The following EDIL3 variants were observed in gnomAD, a reference collection of about 807,000 sequenced individuals.
EDIL3 encodes the protein EGF-like repeat and discoidin I-like domain-containing protein 3.
A neutral mutation model predicts 67.4 loss-of-function variants in EDIL3; 37 were observed. That is an observed-to-expected ratio of 0.55 (90% CI 0.42 to 0.72). The LOEUF (loss-of-function observed/expected upper bound fraction) is 0.72, where lower values mean the gene tolerates loss of function less well. EDIL3 is among the 30% of genes least tolerant of loss of function. The pLI is 0.00. For synonymous variants in EDIL3, 195 were observed against 196.3 expected, an observed-to-expected ratio of 0.99 and a Z score of 0.05; for missense variants, 527 against 586.3, an observed-to-expected ratio of 0.90 and a Z score of 1.04.
chr5:84,151,648 T>C (rs542129975), intron 4 of EDIL3, among the ~76,000 whole-genome samples: 1 of 152,316 alleles, frequency 6.6e-6, no homozygotes, highest in African/African-American at 2.4e-5. Context: ...TGCAAGATTT[T>C]CTATTGCTCT....
chr5:84,031,450 T>C (rs1440073479), intron 9 of EDIL3, among the ~76,000 whole-genome samples: 1 of 152,214 alleles, frequency 6.6e-6, no homozygotes, highest in African/African-American at 2.4e-5. Context: ...TGGCTGTGAC[T>C]TAGTTGGTAA....
intron 1 of EDIL3, among the ~76,000 whole-genome samples, chr5:84,330,031 T>C (rs969549005): frequency 6.6e-6 from 1 of 152,284 alleles, no homozygotes; most frequent in South Asian, 2.1e-4. Context: ...TCTAGATATC[T>C]AAATATCTGA....
intron 4 of EDIL3, among the ~76,000 whole-genome samples, chr5:84,149,344 C>T (rs1748346940): frequency 6.6e-6 from 1 of 152,070 alleles, no homozygotes; most frequent in Non-Finnish European, 1.5e-5. Flanking sequence ...TACTTGGAGC[C>T]CACACTAGGC....
chr5:84,248,066 T>C (rs1478483504), intron 2 of EDIL3, among the ~76,000 whole-genome samples: 2 of 151,992 alleles, frequency 1.3e-5, no homozygotes, highest in Non-Finnish European at 2.9e-5. Context: ...CCAGGAAGAG[T>C]GGCACATAGC....
At chr5:84,188,969 T>C (rs957551300) in intron 3 of EDIL3, among the ~76,000 whole-genome samples, 1 of 152,078 alleles carries the variant, frequency 6.6e-6, no homozygotes, top group Non-Finnish European at 1.5e-5. Context: ...GGGTTCCTGG[T>C]ATACCTGAAT....
intron 1 of EDIL3, among the ~76,000 whole-genome samples, chr5:84,312,148 G>A (rs1380380261): frequency 9.2e-5 from 14 of 151,716 alleles, no homozygotes; most frequent in East Asian, 7.9e-4. Flanking sequence ...GGGCAGAGGC[G>A]CCCCTCACCT....
chr5:84,328,286 G>A (rs1023548249), intron 1 of EDIL3, among the ~76,000 whole-genome samples: 1 of 151,964 alleles, frequency 6.6e-6, no homozygotes, highest in African/African-American at 2.4e-5. Context: ...ATCAATCTAT[G>A]TGCATCACAT....
intron 1 of EDIL3, among the ~76,000 whole-genome samples, chr5:84,355,144 T>A (rs1422514547): frequency 6.6e-6 from 1 of 152,158 alleles, no homozygotes; most frequent in Non-Finnish European, 1.5e-5. Flanking sequence ...TTTGGTCTTT[T>A]CACACAGTCC....
At chr5:84,182,456 A>G (rs1214745021) in intron 3 of EDIL3, among the ~76,000 whole-genome samples, 1 of 151,988 alleles carries the variant, frequency 6.6e-6, no homozygotes, top group African/African-American at 2.4e-5. Context: ...ACCCTGTCTC[A>G]AAAAACTAAA....
At chr5:84,184,026 A>C (rs1749059346) in intron 3 of EDIL3, among the ~76,000 whole-genome samples, 1 of 152,196 alleles carries the variant, frequency 6.6e-6, no homozygotes, top group African/African-American at 2.4e-5. Context: ...GAATTGCTTT[A>C]ACCCGGGAGA....
chr5:84,196,356 A>G (rs538775911), intron 3 of EDIL3, among the ~76,000 whole-genome samples: 1 of 152,072 alleles, frequency 6.6e-6, no homozygotes, highest in South Asian at 2.1e-4. Context: ...GCTCAAAATC[A>G]CTTTCACAAC....
chr5:84,319,774 G>A lies in EDIL3; in HGVS notation c.67+64534C>T, dbSNP rs181195338. On this transcript the variant is annotated intron_variant, in intron 1 of 10. Transcript: ENST00000296591. ...CTCAAATGTCCATCAATGATAGACT[G>A]GATAAAGAAAATGAGGTACATATAT... Among the ~76,000 whole-genome samples the A allele has an allele frequency of 3.3e-5, 5 of 152,182 alleles. No individual in the cohort carries two copies. The East Asian group carries it at 7.7e-4, about 24-fold the overall frequency.
chr5:84,287,093 G>A (rs943733239), intron 1 of EDIL3, among the ~76,000 whole-genome samples: 6 of 152,194 alleles, frequency 3.9e-5, no homozygotes, highest in African/African-American at 7.2e-5. Flanking sequence ...AATGGGAGAT[G>A]CAGAGACTCT....
intron 9 of EDIL3, among the ~76,000 whole-genome samples, chr5:84,036,775 G>A (rs369847688): frequency 6.6e-6 from 1 of 152,068 alleles, no homozygotes; most frequent in East Asian, 1.9e-4. Context: ...CACTGTATTC[G>A]TATTAAACTG....
chr5:84,042,309 G>A (rs934254876), intron 9 of EDIL3, among the ~76,000 whole-genome samples: 2 of 150,536 alleles, frequency 1.3e-5, no homozygotes, highest in Non-Finnish European at 3.0e-5. Context: ...TTGAGACGGA[G>A]TCTTATTTGT....
intron 6 of EDIL3, among the ~76,000 whole-genome samples, chr5:84,085,804 C>T (rs1372231937): frequency 6.6e-6 from 1 of 152,160 alleles, no homozygotes; most frequent in Non-Finnish European, 1.5e-5. Context: ...GCTGCCCCTC[C>T]CTCCATGTGC....
intron 3 of EDIL3, among the ~76,000 whole-genome samples, chr5:84,223,056 G>A (rs1029935275): frequency 2.0e-5 from 3 of 151,734 alleles, no homozygotes; most frequent in Admixed American, 1.3e-4. Context: ...TCATAGTCAA[G>A]GGGGTATTCC....
At chr5:84,052,094 G>C (rs572646807) in intron 9 of EDIL3, among the ~76,000 whole-genome samples, 1 of 152,254 alleles carries the variant, frequency 6.6e-6, no homozygotes, top group Non-Finnish European at 1.5e-5. Flanking sequence ...AAGCCCATCA[G>C]ACTAACAGCG....
At chr5:84,340,534 C>CTATATATA (rs776456328) in intron 1 of EDIL3, among the ~76,000 whole-genome samples, 46 of 54,192 alleles carry the variant, frequency 8.5e-4, no homozygotes, top group South Asian at 1.8e-3. Context: ...CTCTCTCTCT[C>CTATATATA]TATATATATA....
Sources: allele counts gnomAD v4.1 joint callset (sites outside exome capture counted in the v4.1 genomes callset), GRCh38; gene constraint gnomAD v4.1.1; transcripts MANE v1.5; gene names NCBI Gene and HGNC (gene_info 2026-07-23, HGNC 2026-07-21).